DNAJB5: variants seen among roughly 807,000 people sequenced by gnomAD.
DNAJB5 encodes the protein dnaJ homolog subfamily B member 5.
Under a neutral mutation model 32.6 loss-of-function variants are expected in DNAJB5, and 12 were observed. That is an observed-to-expected ratio of 0.37 (90% CI 0.24 to 0.60). The LOEUF (loss-of-function observed/expected upper bound fraction) is 0.60. Among genes scored for constraint, DNAJB5 ranks in the 20% least tolerant of loss-of-function variants. The pLI is 0.71. For missense variants in DNAJB5, 358 were observed against 554.2 expected, an observed-to-expected ratio of 0.65 and a Z score of 3.55; for synonymous variants, 188 against 212.9, an observed-to-expected ratio of 0.88 and a Z score of 1.02.
chr9:34,990,553 C>G lies in DNAJB5; in HGVS notation c.-78C>G, dbSNP rs770608080. ...TGCTGGGCACGCGCCTCTGAGAGTC[C>G]AAGGAGGTGGCTTCCAGAGCTGCAG... is the stretch of plus-strand genomic sequence containing the variant. On this transcript the variant is annotated 5_prime_UTR_variant, in exon 2 of 5. Coordinates refer to ENST00000682809, the MANE Select transcript of DNAJB5 (RefSeq NM_001349723.3). The surrounding 1 kb of genome is among the most constrained non-coding windows in gnomAD (Gnocchi z 4.5). 6.5e-7 allele frequency: 1 copy of G among 1,549,534 alleles called. No individual in the cohort carries two copies. Among genetic ancestry groups the G allele is most frequent in the South Asian group, 1.2e-5 (1 of 83,974 alleles).
Position 34,996,703 on chromosome 9 carries a change from G to A in DNAJB5, c.866G>A (p.Arg289His), listed in dbSNP as rs1827807967. The change falls in exon 4 of 5, where the codon CGT (arginine) becomes CAT (histidine). Residue 289 changes from arginine to histidine, a missense_variant. Transcript: ENST00000682809. The surrounding 1 kb of genome is among the most constrained non-coding windows in gnomAD (Gnocchi z 7.2). ...EDKILHIVIK[R>H]GWKEGTKITF... The stretch of plus-strand genomic sequence containing the variant: ...AAGATCCTGCACATAGTCATCAAGC[G>A]TGGCTGGAAGGAAGGCACCAAGATC... 6.2e-7 allele frequency: 1 copy of A among 1,614,150 alleles called. No individual in the cohort carries two copies. Among genetic ancestry groups the A allele is most frequent in the Non-Finnish European group, 8.5e-7 (1 of 1,180,032 alleles).
At chr9:34,992,588 GT>G (rs1299825297) in intron 2 of DNAJB5, 1 of 159,096 alleles carries the variant, frequency 6.3e-6, no homozygotes. Flanking sequence ...TGTGATCTGA[GT>G]CACACGTGAG....
In DNAJB5 at chr9:34,997,442, G is replaced by A; in HGVS notation, c.*183G>A. On this transcript the variant is annotated 3_prime_UTR_variant, in exon 5 of 5. Coordinates refer to ENST00000682809, the MANE Select transcript of DNAJB5 (RefSeq NM_001349723.3). This position sits in a 1 kb window ranked among gnomAD's most constrained non-coding sequence, Gnocchi z 4.1. Reference sequence around the variant, plus strand: ...CCTTTTAGAGCTGGGCTGCCTGGGGGGAGTGGGAGGGAGGTGGGGAGAGCT... The same window carrying A: ...CCTTTTAGAGCTGGGCTGCCTGGGGAGAGTGGGAGGGAGGTGGGGAGAGCT... 1.4e-6 allele frequency: 1 copy of A among 732,680 alleles called. No homozygotes were observed. Among genetic ancestry groups the A allele is most frequent in the East Asian group, 2.7e-5 (1 of 37,076 alleles). 45.4% of individuals were successfully genotyped at this position (732,680 alleles called of 1,614,324 possible).
chr9:34,991,621 C>G lies in DNAJB5; in HGVS notation c.182+809C>G, dbSNP rs1380825945. On this transcript the variant is annotated intron_variant, in intron 2 of 4. Transcript: ENST00000682809. ...GAGGCAGAAATGGCAGACCACCCCC[C>G]CCCGCTCCCTCTCAGACGGCTTTTG... 8.3e-5 allele frequency: 18 copies of G among 216,438 alleles called. 1 individual carries two copies. The highest frequency in any genetic ancestry group is 2.0e-4 in the African/African-American group (7 of 35,228). 13.4% of individuals were successfully genotyped at this position (216,438 alleles called of 1,614,324 possible).
rs547438605 is a variant in DNAJB5, at chr9:34,994,883, G to A, written c.428-1382G>A. ...CAATCCCCAGCAGCCATTTATTATA[G>A]AGCAGTTATACACACAGACTCTGTG... is the stretch of plus-strand genomic sequence containing the variant. On this transcript the variant is annotated intron_variant, in intron 3 of 4. Coordinates refer to ENST00000682809, the MANE Select transcript of DNAJB5 (RefSeq NM_001349723.3). Among the ~76,000 whole-genome samples the A allele has an allele frequency of 3.3e-5, 5 of 152,248 alleles. No homozygotes were observed. The South Asian group carries it at 6.2e-4, about 19-fold the overall frequency.
intron 2 of DNAJB5, chr9:34,992,780 G>T: frequency 2.0e-6 from 2 of 1,011,978 alleles, no homozygotes; most frequent in Non-Finnish European, 2.4e-6. Context: ...CATGCCTGAG[G>T]CGTGGCGTAG....
At chr9:34,991,043 A>G (rs1317743049) in intron 2 of DNAJB5, 1 of 570,186 alleles carries the variant, frequency 1.8e-6, no homozygotes, top group South Asian at 2.0e-5. Flanking sequence ...CATTATTTCA[A>G]CTCTCCACAT....
At chr9:34,991,616 C>CA in intron 2 of DNAJB5, 2 of 107,756 alleles carry the variant, frequency 1.9e-5, no homozygotes, top group South Asian at 4.2e-5. Flanking sequence ...TGGCAGACCA[C>CA]CCCCCCCCGC....
rs368446404 is a variant in DNAJB5 at position 34,997,015 on chromosome 9, G to A, written c.1030-11G>A. ...CCACCTTTTCCTCACTTTCTGCTTCGTCTTTCCCAGGCGCTGTGTGGCTGC... is the reference window on the plus strand; with the variant it reads ...CCACCTTTTCCTCACTTTCTGCTTCATCTTTCCCAGGCGCTGTGTGGCTGC... On this transcript the variant is annotated splice_polypyrimidine_tract_variant and intron_variant, in intron 4 of 4. Coordinates refer to ENST00000682809, the MANE Select transcript of DNAJB5 (RefSeq NM_001349723.3). This position sits in a 1 kb window ranked among gnomAD's most constrained non-coding sequence, Gnocchi z 4.1. 3.5e-5 allele frequency: 57 copies of A among 1,610,704 alleles called. No homozygotes were observed. The African/African-American group carries it at 3.9e-4, about 11-fold the overall frequency.
In DNAJB5 at chr9:34,997,271, G is replaced by A; in HGVS notation, c.*12G>A. 2 of 1,613,136 alleles carry A rather than the reference G, an allele frequency of 1.2e-6. No homozygotes were observed. Among genetic ancestry groups the A allele is most frequent in the Middle Eastern group, 1.6e-4 (1 of 6,062 alleles). On this transcript the variant is annotated 3_prime_UTR_variant, in exon 5 of 5. Coordinates refer to ENST00000682809, the MANE Select transcript of DNAJB5 (RefSeq NM_001349723.3). The surrounding 1 kb of genome is among the most constrained non-coding windows in gnomAD (Gnocchi z 4.1). ...TACCCTGTTCCTAGGCTCTGCCCCAGCCAGTCCAGAGCCTACCACAGCAAT... is the reference window on the plus strand; with the variant it reads ...TACCCTGTTCCTAGGCTCTGCCCCAACCAGTCCAGAGCCTACCACAGCAAT...
rs991590748 is a variant in DNAJB5, at chr9:34,997,205, C to T, written c.1209C>T (p.Asp403=). 2 of 1,614,172 alleles carry T rather than the reference C, an allele frequency of 1.2e-6. No individual in the cohort carries two copies. Among genetic ancestry groups the T allele is most frequent in the Non-Finnish European group, 1.7e-6 (2 of 1,180,044 alleles). Residue 403 remains aspartate (D), a synonymous_variant, in exon 5 of 5, where the codon GAC becomes GAT. Coordinates refer to ENST00000682809, the MANE Select transcript of DNAJB5 (RefSeq NM_001349723.3). This position sits in a 1 kb window ranked among gnomAD's most constrained non-coding sequence, Gnocchi z 4.1. The part of the protein sequence containing the change: ...LIVEFKVRFP[D]RLTPQTRQIL... Reference sequence around the variant, plus strand: ...TTGAGTTCAAAGTTCGCTTCCCAGACAGATTAACACCACAGACAAGACAGA... The same window carrying T: ...TTGAGTTCAAAGTTCGCTTCCCAGATAGATTAACACCACAGACAAGACAGA...
chr9:34,992,127 C>G (rs911208905), intron 2 of DNAJB5: 1 of 152,412 alleles, frequency 6.6e-6, no homozygotes, highest in Admixed American at 6.5e-5. Context: ...GCTCTAGCTA[C>G]AGGAAAGTCC....
rs768041699 is a variant in DNAJB5, at chr9:34,993,169, G to C, written c.183-31G>C. 1.3e-6 allele frequency: 2 copies of C among 1,592,080 alleles called. No individual in the cohort carries two copies. On this transcript the variant is annotated intron_variant, in intron 2 of 4. Transcript: ENST00000682809. This position sits in a 1 kb window ranked among gnomAD's most constrained non-coding sequence, Gnocchi z 4.7. Reference sequence around the variant, plus strand: ...GAACAGGGCTGGGGCAGAAGAGAAGGCATCAAGTCTTGGCCCTGGGTTTCT... The same window carrying C: ...GAACAGGGCTGGGGCAGAAGAGAAGCCATCAAGTCTTGGCCCTGGGTTTCT...
intron 3 of DNAJB5, among the ~76,000 whole-genome samples, chr9:34,994,960 T>G (rs1026652235): frequency 1.3e-5 from 2 of 152,192 alleles, no homozygotes; most frequent in Admixed American, 1.3e-4. Flanking sequence ...GGGGTGGTAG[T>G]GGAAGAATAG....
rs1827566109 is a variant in DNAJB5 at position 34,989,777 on chromosome 9, G to A, written c.-187G>A. On this transcript the variant is annotated 5_prime_UTR_variant, in exon 1 of 5. Transcript: ENST00000682809. ...GTGGAGGCGGCGGAGCCGGAGCCGG[G>A]GGAGGGGGCAGCGGCTGTCTCACGG... 3 of 1,231,334 alleles carry A rather than the reference G, an allele frequency of 2.4e-6. No individual in the cohort carries two copies. The highest frequency in any genetic ancestry group is 1.6e-5 in the African/African-American group (1 of 64,390). The allele number at this position is 1,231,334 out of a possible 1,614,324, so 76.3% of individuals were successfully genotyped here. A position where few individuals can be genotyped will look rare whatever the true frequency, so the allele number is the denominator to read the frequency against.
In DNAJB5 at chr9:34,990,428, C is replaced by G; in HGVS notation, c.-132-71C>G. ...CTGCCATACAGCCGCTCACAGCCAG[C>G]CAGACACTGCTGCACCTGAGAGCAG... is the stretch of plus-strand genomic sequence containing the variant. On this transcript the variant is annotated intron_variant, in intron 1 of 4. Transcript: ENST00000682809. The surrounding 1 kb of genome is among the most constrained non-coding windows in gnomAD (Gnocchi z 4.5). 6.5e-7 allele frequency: 1 copy of G among 1,532,208 alleles called. No individual in the cohort carries two copies. The highest frequency in any genetic ancestry group is 1.2e-5 in the South Asian group (1 of 83,174). 94.9% of individuals were successfully genotyped at this position (1,532,208 alleles called of 1,614,324 possible).
In DNAJB5 at chr9:34,993,066, G is replaced by A; in HGVS notation, c.183-134G>A. The A allele has an allele frequency of 6.9e-7, 1 of 1,445,842 alleles. No individual in the cohort carries two copies. The highest frequency in any genetic ancestry group is 2.5e-5 in the East Asian group (1 of 40,276). 89.6% of individuals were successfully genotyped at this position (1,445,842 alleles called of 1,614,324 possible). ...TCCAAACCTTTCATTTTACAGATGG[G>A]GGGACGCAGGCCCACAGAACAGGCA... On this transcript the variant is annotated intron_variant, in intron 2 of 4. Coordinates refer to ENST00000682809, the MANE Select transcript of DNAJB5 (RefSeq NM_001349723.3). The surrounding 1 kb of genome is among the most constrained non-coding windows in gnomAD (Gnocchi z 4.7).
chr9:34,990,385 C>G lies in DNAJB5; in HGVS notation c.-132-114C>G. On this transcript the variant is annotated intron_variant, in intron 1 of 4. Coordinates refer to ENST00000682809, the MANE Select transcript of DNAJB5 (RefSeq NM_001349723.3). This position sits in a 1 kb window ranked among gnomAD's most constrained non-coding sequence, Gnocchi z 4.5. ...CCACTCACAAACACACGCTTGCACT[C>G]CCAGCCTCACTGACACGCTGCCATA... The G allele has an allele frequency of 3.3e-6, 5 of 1,521,200 alleles. No homozygotes were observed. Among genetic ancestry groups the G allele is most frequent in the Non-Finnish European group, 4.4e-6 (5 of 1,138,280 alleles). 94.2% of individuals were successfully genotyped at this position (1,521,200 alleles called of 1,614,324 possible).
intron 2 of DNAJB5, chr9:34,991,381 G>C: frequency 2.2e-6 from 1 of 456,288 alleles, no homozygotes; most frequent in Non-Finnish European, 4.4e-6. Context: ...TGTGTCTGCG[G>C]AGGCAAGAGA....
Sources: gnomAD v4.1 joint callset for allele counts (sites outside exome capture counted in the v4.1 genomes callset) on GRCh38, gnomAD v4.1.1 for gene constraint, Gnocchi (gnomAD v3.1) non-coding constraint, MANE v1.5 for transcripts, NCBI Gene and HGNC (gene_info 2026-07-23, HGNC 2026-07-21) for gene names.